The following ASCC3 variants were observed in gnomAD, a reference collection of about 807,000 sequenced individuals.
ASCC3 encodes the protein ASC-1 complex subunit P200.
A neutral mutation model predicts 256.3 loss-of-function variants in ASCC3; 158 were observed. The observed-to-expected ratio is 0.62, with a 90% confidence interval of 0.54 to 0.70. The LOEUF is 0.70. Among genes scored for constraint, ASCC3 ranks in the 30% least tolerant of loss-of-function variants. The pLI is 0.00. For synonymous variants in ASCC3, 948 were observed against 883.4 expected (o/e 1.07, Z -1.30); for missense variants, 2,259 against 2,626.0 (o/e 0.86, Z 3.05).
intron 4 of ASCC3, among the ~76,000 whole-genome samples, chr6:100,807,947 A>C (rs1582893316): frequency 6.6e-6 from 1 of 151,946 alleles, no homozygotes; most frequent in Non-Finnish European, 1.5e-5. Context: ...AAGGCTAAAA[A>C]CAAATTGATT....
chr6:100,809,137 AC>A (rs1770334544), intron 4 of ASCC3, among the ~76,000 whole-genome samples: 2 of 151,816 alleles, frequency 1.3e-5, no homozygotes, highest in Admixed American at 6.6e-5. Flanking sequence ...GACTTTATAA[AC>A]ACTATTCACT....
chr6:100,514,544 T>C (rs1358927105), intron 39 of ASCC3, among the ~76,000 whole-genome samples: 2 of 152,076 alleles, frequency 1.3e-5, no homozygotes, highest in Non-Finnish European at 2.9e-5. Flanking sequence ...TATATATATG[T>C]AATTTTTGTA....
At position 100,642,592 on chromosome 6, in the gene ASCC3, G is replaced by C; in HGVS notation, c.3890C>G (p.Pro1297Arg). The change falls in exon 24 of 42, where the codon CCT (proline) becomes CGT (arginine). Residue 1297 changes from proline (P) to arginine (R), a missense_variant. Around this residue, in one of 2 missense-constraint regions of ASCC3, gnomAD observed 1,839 missense variants for 2,206.7 expected, o/e 0.83. Transcript: ENST00000369162. ...ATTCACCATGTTACCTGTATGAGGAGGATGTCTCTCTGGTAGAATTAGATG... is the reference window on the plus strand; with the variant it reads ...ATTCACCATGTTACCTGTATGAGGACGATGTCTCTCTGGTAGAATTAGATG... ...FQHLILPERH[P>R]PHTELLDLQP... 1 of 1,613,882 alleles carries C rather than the reference G, an allele frequency of 6.2e-7. No individual in the cohort carries two copies. Among genetic ancestry groups the C allele is most frequent in the Non-Finnish European group, 8.5e-7 (1 of 1,179,848 alleles).
chr6:100,845,253 C>T (rs1051728156), intron 4 of ASCC3, among the ~76,000 whole-genome samples: 6 of 152,110 alleles, frequency 3.9e-5, no homozygotes, highest in African/African-American at 1.4e-4. Flanking sequence ...ATTTGCTAAT[C>T]CATAAAATAC....
intron 13 of ASCC3, among the ~76,000 whole-genome samples, chr6:100,686,003 T>C (rs1432841358): frequency 6.6e-6 from 1 of 152,158 alleles, no homozygotes; most frequent in Non-Finnish European, 1.5e-5. Flanking sequence ...GACTTCTCAA[T>C]AGTGAGCAAA....
chr6:100,874,323 G>A (rs373484739), intron 1 of ASCC3, among the ~76,000 whole-genome samples: 14 of 152,090 alleles, frequency 9.2e-5, no homozygotes, highest in Middle Eastern at 6.8e-3. Flanking sequence ...GAAATTAGTT[G>A]GGCGTGGTGG....
intron 37 of ASCC3, 51 bp downstream of exon 37, chr6:100,540,112 G>T (rs567962544): frequency 6.7e-7 from 1 of 1,494,054 alleles, no homozygotes; most frequent in Non-Finnish European, 9.3e-7. Flanking sequence ...AAAAAAGAGG[G>T]CAGGAATGAT....
intron 9 of ASCC3, 115 bp downstream of exon 9, chr6:100,767,030 A>G: frequency 9.2e-7 from 1 of 1,082,088 alleles, no homozygotes. Flanking sequence ...AGTATTACTT[A>G]TCTGACTTCA....
intron 3 of ASCC3, among the ~76,000 whole-genome samples, chr6:100,850,098 CAAAAA>C (rs61582863): frequency 1.2e-5 from 1 of 80,612 alleles, no homozygotes; most frequent in Non-Finnish European, 2.4e-5. Flanking sequence ...GAGACTCTAT[CAAAAA>C]AAAAAAAAAA....
intron 10 of ASCC3, among the ~76,000 whole-genome samples, chr6:100,752,297 T>C (rs886102890): frequency 2.0e-5 from 3 of 152,256 alleles, no homozygotes; most frequent in African/African-American, 7.2e-5. Flanking sequence ...TTAAATCATT[T>C]ATGAAACAGG....
intron 3 of ASCC3, chr6:100,857,300 GCT>G (rs1397953359): frequency 6.6e-6 from 1 of 151,908 alleles, no homozygotes; most frequent in Non-Finnish European, 1.5e-5. Context: ...CTGGATAAAA[GCT>G]CTCTTTTTGG....
chr6:100,851,108 T>C (rs1383392836), intron 3 of ASCC3, among the ~76,000 whole-genome samples: 2 of 152,140 alleles, frequency 1.3e-5, no homozygotes, highest in East Asian at 3.9e-4. Flanking sequence ...ATTTTATAGA[T>C]GTTAAATGGA....
chr6:100,643,573 G>A (rs62422695), intron 23 of ASCC3, among the ~76,000 whole-genome samples: 4 of 152,076 alleles, frequency 2.6e-5, no homozygotes, highest in Non-Finnish European at 4.4e-5. Flanking sequence ...AAGCCAGATG[G>A]TATAGCCTCC....
intron 16 of ASCC3, 59 bp from the exon 17 acceptor site, chr6:100,655,877 CA>C: frequency 6.3e-7 from 1 of 1,579,654 alleles, no homozygotes. Flanking sequence ...AACATTACAT[CA>C]AAGTCCATTC....
rs1781667120 is a variant in ASCC3, at chr6:100,766,589, G to A, written c.1713C>T (p.Ser571=). 6.2e-7 allele frequency: 1 copy of A among 1,613,936 alleles called. No individual in the cohort carries two copies. The highest frequency in any genetic ancestry group is 8.5e-7 in the Non-Finnish European group (1 of 1,179,922). The change falls in exon 10 of 42, where the codon TCC becomes TCT. Residue 571 remains serine (S), a synonymous_variant. Coordinates refer to ENST00000369162, the MANE Select transcript of ASCC3 (RefSeq NM_006828.4). The part of the protein sequence containing the change: ...VKELTGDMQL[S]KSEILRTQML... Reference sequence around the variant, plus strand: ...CCTGAGTTCGTAAAATTTCACTTTTGGACAACTGCATGTCACCAGTCAATT... The same window carrying A: ...CCTGAGTTCGTAAAATTTCACTTTTAGACAACTGCATGTCACCAGTCAATT...
chr6:100,761,218 T>C (rs916854576), intron 10 of ASCC3, among the ~76,000 whole-genome samples: 45 of 152,314 alleles, frequency 3.0e-4, no homozygotes, highest in Non-Finnish European at 2.5e-4. Context: ...AGGCCTGGCA[T>C]GGTAGCTGAT....
chr6:100,581,466 G>A lies in ASCC3; in HGVS notation c.5550+8168C>T, dbSNP rs543646283. On this transcript the variant is annotated intron_variant, in intron 36 of 41. Coordinates refer to ENST00000369162, the MANE Select transcript of ASCC3 (RefSeq NM_006828.4). ...TCTTGTAAATTTGTTTAAGTTCATT[G>A]TAGATTCTGGATATTAGCCTTTTGT... Among the ~76,000 whole-genome samples the A allele has an allele frequency of 2.2e-3, 328 of 152,176 alleles. 1 individual carries two copies. Among genetic ancestry groups the A allele is most frequent in the African/African-American group, 7.6e-3 (316 of 41,506 alleles).
chr6:100,594,120 C>T (rs567932579), intron 34 of ASCC3, among the ~76,000 whole-genome samples: 8 of 152,020 alleles, frequency 5.3e-5, no homozygotes, highest in Admixed American at 1.3e-4. Context: ...TGTGCTGTGG[C>T]GAGGACTTCA....
intron 36 of ASCC3, among the ~76,000 whole-genome samples, chr6:100,580,038 TTA>T (rs375025771): frequency 1.9e-4 from 29 of 152,274 alleles, no homozygotes; most frequent in South Asian, 1.0e-3. Context: ...TAGAGATTTT[TTA>T]TCTCTTTCGT....
Sources: allele counts gnomAD v4.1 joint callset (sites outside exome capture counted in the v4.1 genomes callset), GRCh38; gene constraint gnomAD v4.1.1; regional missense constraint gnomAD v4.1.1; transcripts MANE v1.5; gene names NCBI Gene and HGNC (gene_info 2026-07-23, HGNC 2026-07-21).